Variants in CREM observed in about 807,000 individuals in gnomAD.
CREM encodes cAMP-responsive element modulator.
CREM carries 13 observed loss-of-function variants against 37.3 expected under a neutral mutation model. The ratio of observed to expected loss-of-function variants is 0.35; its 90% CI spans 0.23 to 0.55. CREM has a LOEUF of 0.55. Ranked by LOEUF, CREM falls within the 20% of genes least tolerant of loss-of-function variation. The pLI, the probability that CREM is intolerant of heterozygous loss-of-function variation, is 0.88. For missense variants in CREM, 296 were observed against 362.3 expected (o/e 0.82, Z 1.49); for synonymous variants, 124 against 120.2 (o/e 1.03, Z -0.21).
At chr10:35,184,593 C>T (rs1467437145) in intron 5 of CREM, among the ~76,000 whole-genome samples, 1 of 152,120 alleles carries the variant, frequency 6.6e-6, no homozygotes, top group African/African-American at 2.4e-5. Flanking sequence ...GAAATGTTTT[C>T]TCACTAGAGC....
chr10:35,164,883 C>G (rs1009434411), intron 3 of CREM, among the ~76,000 whole-genome samples: 3 of 151,780 alleles, frequency 2.0e-5, no homozygotes, highest in Non-Finnish European at 4.4e-5. Context: ...AACCCTGTCT[C>G]TACAAAAAAA....
At chr10:35,148,311 A>G (rs2092323328) in intron 2 of CREM, 57 bp from the exon 3 acceptor site, 2 of 1,529,908 alleles carry the variant, frequency 1.3e-6, no homozygotes, top group Middle Eastern at 1.8e-4. Flanking sequence ...TTCAACCTGT[A>G]TTTCCAAATA....
intron 2 of CREM, among the ~76,000 whole-genome samples, chr10:35,143,226 C>T (rs1182840140): frequency 6.6e-6 from 1 of 152,148 alleles, no homozygotes; most frequent in Non-Finnish European, 1.5e-5. Context: ...GCCTTGGCCT[C>T]CCAAAGTGCT....
chr10:35,192,403 C>T (rs952285759), intron 6 of CREM, among the ~76,000 whole-genome samples: 36 of 152,264 alleles, frequency 2.4e-4, no homozygotes, highest in Admixed American at 1.2e-3. Flanking sequence ...GGCTGGAACA[C>T]AGTGATGTGA....
intron 3 of CREM, among the ~76,000 whole-genome samples, chr10:35,164,593 A>G (rs750341474): frequency 2.0e-4 from 31 of 152,218 alleles, no homozygotes; most frequent in Non-Finnish European, 3.7e-4. Context: ...ATCTGTAACT[A>G]TTTCAGATTT....
chr10:35,170,250 C>T (rs2093746913), intron 3 of CREM, among the ~76,000 whole-genome samples: 1 of 152,152 alleles, frequency 6.6e-6, no homozygotes, highest in Non-Finnish European at 1.5e-5. Context: ...CAGGCGTGAG[C>T]CACTGTGTCT....
At chr10:35,207,381 G>A (rs944662547) in intron 7 of CREM, among the ~76,000 whole-genome samples, 8 of 151,802 alleles carry the variant, frequency 5.3e-5, no homozygotes, top group African/African-American at 9.7e-5. Context: ...GCGACAGAGC[G>A]AGACTCCATC....
intron 5 of CREM, among the ~76,000 whole-genome samples, chr10:35,184,333 T>C (rs998833774): frequency 5.9e-5 from 9 of 152,242 alleles, no homozygotes; most frequent in Admixed American, 1.3e-4. Flanking sequence ...TTTATGTTTA[T>C]TGAAAGCACA....
chr10:35,195,538 C>T (rs1271900370), intron 6 of CREM, among the ~76,000 whole-genome samples: 2 of 151,838 alleles, frequency 1.3e-5, no homozygotes, highest in Non-Finnish European at 2.9e-5. Context: ...CTTTCATATG[C>T]ATACCATTCT....
intron 5 of CREM, among the ~76,000 whole-genome samples, chr10:35,182,560 A>G (rs1398115243): frequency 1.3e-5 from 2 of 152,218 alleles, no homozygotes; most frequent in Non-Finnish European, 2.9e-5. Flanking sequence ...AAAGAACTAA[A>G]TGTGTATCAA....
intron 7 of CREM, among the ~76,000 whole-genome samples, chr10:35,208,273 T>C (rs1360664554): frequency 6.6e-6 from 1 of 152,220 alleles, no homozygotes; most frequent in African/African-American, 2.4e-5. Context: ...TTATAGTCTA[T>C]GTACTTCCAG....
intron 5 of CREM, among the ~76,000 whole-genome samples, chr10:35,186,733 T>G (rs1207357697): frequency 7.4e-6 from 1 of 134,282 alleles, no homozygotes; most frequent in Non-Finnish European, 1.5e-5. Flanking sequence ...TATATATAAT[T>G]ATATATAGTT....
intron 2 of CREM, among the ~76,000 whole-genome samples, chr10:35,138,258 A>G (rs568110598): frequency 5.9e-5 from 9 of 152,250 alleles, no homozygotes; most frequent in Non-Finnish European, 1.0e-4. Flanking sequence ...GTCTCTACCA[A>G]CGTTTTAAAA....
rs1461273290 is a variant in CREM, at chr10:35,137,875, C to T, written c.40C>T (p.Pro14Ser). Residue 14 changes from proline (P) to serine (S), a missense_variant, in exon 2 of 8, where the codon CCA becomes TCA. Coordinates refer to ENST00000685392, the MANE Select transcript of CREM (RefSeq NM_183011.2). Reference sequence around the variant, plus strand: ...AAGGAAAAAATATATTAAGACAAATCCAAGGTAGGTAGATGTACGTTTTTC... The same window carrying T: ...AAGGAAAAAATATATTAAGACAAATTCAAGGTAGGTAGATGTACGTTTTTC... The part of the protein sequence containing the change: ...CARKKYIKTN[P>S]RQMTMETVES... The T allele has an allele frequency of 6.3e-7, 1 of 1,586,422 alleles. No individual in the cohort carries two copies. Among genetic ancestry groups the T allele is most frequent in the East Asian group, 2.3e-5 (1 of 43,718 alleles).
intron 3 of CREM, among the ~76,000 whole-genome samples, chr10:35,164,091 A>G: frequency 1.3e-5 from 2 of 152,282 alleles, no homozygotes; most frequent in Middle Eastern, 6.9e-3. Flanking sequence ...ATATTTTAAT[A>G]CTAGATTAAA....
At chr10:35,166,691 T>G (rs1385718611) in intron 3 of CREM, among the ~76,000 whole-genome samples, 1 of 152,116 alleles carries the variant, frequency 6.6e-6, no homozygotes, top group Non-Finnish European at 1.5e-5. Context: ...ATTGTGCCAC[T>G]GAACCGCAGC....
rs569919672 is a variant in CREM, at chr10:35,186,174, T to A, written c.410-2026T>A. Reference sequence around the variant, plus strand: ...GTTAGCTAGTTTATATGTGATTTTTTAAAAAGCATAGCCTCTGGTACCATT... The same window carrying A: ...GTTAGCTAGTTTATATGTGATTTTTAAAAAAGCATAGCCTCTGGTACCATT... On this transcript the variant is annotated intron_variant, in intron 5 of 7. Coordinates refer to ENST00000685392, the MANE Select transcript of CREM (RefSeq NM_183011.2). Among the ~76,000 whole-genome samples, 3 of 152,338 alleles carry A rather than the reference T, an allele frequency of 2.0e-5. 1 individual carries two copies. Among genetic ancestry groups the A allele is most frequent in the East Asian group, 3.9e-4 (2 of 5,192 alleles).
chr10:35,159,142 A>G (rs1180116339), intron 3 of CREM, among the ~76,000 whole-genome samples: 1 of 152,114 alleles, frequency 6.6e-6, no homozygotes, highest in Non-Finnish European at 1.5e-5. Context: ...GAACAACAAT[A>G]TTGGTATAGT....
At chr10:35,152,480 T>C (rs2092658753) in intron 3 of CREM, 1 of 152,184 alleles carries the variant, frequency 6.6e-6, no homozygotes, top group African/African-American at 2.4e-5. Context: ...GAAAACAAAA[T>C]CACGGTGGTG....
Sources: allele counts gnomAD v4.1 joint callset (sites outside exome capture counted in the v4.1 genomes callset), GRCh38; gene constraint gnomAD v4.1.1; transcripts MANE v1.5; gene names NCBI Gene and HGNC (gene_info 2026-07-23, HGNC 2026-07-21).